The following OTOGL variants were observed in gnomAD, a reference collection of about 807,000 sequenced individuals.
OTOGL encodes the protein otogelin-like protein.
Under a neutral mutation model 318.5 loss-of-function variants are expected in OTOGL, and 285 were observed. That is an observed-to-expected ratio of 0.89 (90% CI 0.81 to 0.99). OTOGL has a LOEUF of 0.99. Among genes scored for constraint, OTOGL ranks in the 50% least tolerant of loss-of-function variants. OTOGL has a pLI of 0.00. For synonymous variants in OTOGL, 987 were observed against 936.5 expected (o/e 1.05, Z -0.99); for missense variants, 2,899 against 2,845.6 (o/e 1.02, Z -0.43).
chr12:80,250,021 GCTCGC>G (rs1881373976), intron 11 of OTOGL, among the ~76,000 whole-genome samples: 3 of 151,970 alleles, frequency 2.0e-5, no homozygotes, highest in Admixed American at 6.5e-5. Flanking sequence ...CCCTGCTTCG[GCTCGC>G]GCACGGTGCG....
At chr12:80,289,620 T>C (rs1000820153) in intron 26 of OTOGL, among the ~76,000 whole-genome samples, 1 of 152,176 alleles carries the variant, frequency 6.6e-6, no homozygotes, top group African/African-American at 2.4e-5. Flanking sequence ...AGAGAGGTAG[T>C]CTGGCCACAG....
rs1565865683 is a variant in OTOGL, at chr12:80,115,895, C to A, written c.-20+16290C>A. 2.0e-5 allele frequency among the ~76,000 whole-genome samples: 3 copies of A among 152,250 alleles called. No homozygotes were observed. The East Asian group carries it at 5.8e-4, about 30-fold the overall frequency. ...CAAGCCTCAGTAATGGTGGACACCC[C>A]TCCCCCCACCAAGCTTCAGTGTCCC... is the stretch of plus-strand genomic sequence containing the variant. On this transcript the variant is annotated intron_variant, in intron 1 of 58. Transcript: ENST00000547103.
intron 25 of OTOGL, among the ~76,000 whole-genome samples, chr12:80,278,685 A>G (rs1014591564): frequency 2.0e-5 from 3 of 151,604 alleles, no homozygotes; most frequent in Admixed American, 6.6e-5. Flanking sequence ...GAGCAATGTC[A>G]TGTCTAATGC....
intron 1 of OTOGL, among the ~76,000 whole-genome samples, chr12:80,153,231 G>A (rs546449508): frequency 6.6e-6 from 1 of 152,214 alleles, no homozygotes; most frequent in African/African-American, 2.4e-5. Context: ...TCTGATGAGG[G>A]CACGTTTTCT....
At chr12:80,271,986 T>C (rs1883447901) in intron 24 of OTOGL, among the ~76,000 whole-genome samples, 176 bp downstream of exon 24, 1 of 152,150 alleles carries the variant, frequency 6.6e-6, no homozygotes, top group African/African-American at 2.4e-5. Context: ...TTGTGAAATA[T>C]TATTAATGTA....
At chr12:80,128,386 A>T (rs1426871156) in intron 1 of OTOGL, among the ~76,000 whole-genome samples, 1 of 152,158 alleles carries the variant, frequency 6.6e-6, no homozygotes, top group African/African-American at 2.4e-5. Context: ...TTGCTGCCTG[A>T]TCGTTCCTCT....
intron 24 of OTOGL, among the ~76,000 whole-genome samples, chr12:80,273,576 G>T (rs1883571946): frequency 6.6e-6 from 1 of 152,050 alleles, no homozygotes; most frequent in South Asian, 2.1e-4. Flanking sequence ...TTACTTCTTG[G>T]ATGATTGAGT....
At chr12:80,371,171 A>G (rs929143027) in intron 56 of OTOGL, among the ~76,000 whole-genome samples, 4 of 152,066 alleles carry the variant, frequency 2.6e-5, no homozygotes, top group South Asian at 2.1e-4. Context: ...TGCTCTATCA[A>G]TTTCCCTATT....
rs1565940731 is a variant in OTOGL at position 80,265,135 on chromosome 12, G to A, written c.2149G>A (p.Ala717Thr). ...CKCGSSCLCN[A>T]LAHYAYLCGQ... ...GTGTGGAAGCTCCTGCCTGTGCAAT[G>A]CTCTTGCCCACTATGCCTACCTCTG... Residue 717 changes from alanine to threonine, a missense_variant, in exon 20 of 59, where the codon GCT becomes ACT. Physicochemically the swap from Ala to Thr is moderately conservative, Grantham distance 58. Coordinates refer to ENST00000547103, the MANE Select transcript of OTOGL (RefSeq NM_001378609.3). 8.7e-6 allele frequency: 14 copies of A among 1,613,862 alleles called. No homozygotes were observed. The highest frequency in any genetic ancestry group is 1.7e-5 in the Admixed American group (1 of 59,918).
intron 8 of OTOGL, among the ~76,000 whole-genome samples, chr12:80,231,844 G>A (rs1879391950): frequency 6.9e-6 from 1 of 144,900 alleles, no homozygotes. Flanking sequence ...TCACTGTGTT[G>A]GCCAGTCTGG....
chr12:80,266,448 T>A lies in OTOGL; in HGVS notation c.2225-3T>A. 2 of 1,613,294 alleles carry A rather than the reference T, an allele frequency of 1.2e-6. No homozygotes were observed. The highest frequency in any genetic ancestry group is 1.7e-6 in the Non-Finnish European group (2 of 1,179,538). On this transcript the variant is annotated splice_polypyrimidine_tract_variant and splice_region_variant and intron_variant, in intron 20 of 58. Coordinates refer to ENST00000547103, the MANE Select transcript of OTOGL (RefSeq NM_001378609.3). ...TTCTCAAGTGATACTTCTTTGTCCT[T>A]AGCTGTGGTGTGCCAGAAGGGCATG...
intron 1 of OTOGL, among the ~76,000 whole-genome samples, chr12:80,147,611 G>T (rs1872480953): frequency 6.6e-6 from 1 of 152,016 alleles, no homozygotes; most frequent in African/African-American, 2.4e-5. Context: ...GGGTATTCTT[G>T]TTGACTTTCT....
intron 1 of OTOGL, among the ~76,000 whole-genome samples, chr12:80,114,600 C>G (rs1249758212): frequency 6.6e-6 from 1 of 152,082 alleles, no homozygotes; most frequent in Non-Finnish European, 1.5e-5. Context: ...CCTGGGGTTG[C>G]TCTTCTCGAG....
At position 80,372,711 on chromosome 12, in the gene OTOGL, C is replaced by T. The variant is rs557102820; in HGVS notation, c.6781+647C>T. ...AGTAATTGTTTTTTTTTTAGTGAGA[C>T]GGAGTTTTGCTCTATTGCCCAGGCC... On this transcript the variant is annotated intron_variant, in intron 57 of 58. Transcript: ENST00000547103. Among the ~76,000 whole-genome samples the T allele has an allele frequency of 9.6e-4, 144 of 149,352 alleles. 1 individual carries two copies. Among genetic ancestry groups the T allele is most frequent in the Admixed American group, 2.4e-3 (36 of 14,954 alleles).
In OTOGL at chr12:80,339,193, A is replaced by G; in HGVS notation, c.4979A>G (p.His1660Arg). ...TPAGLIIKWS[H>R]LTGIIDIHFG... The stretch of plus-strand genomic sequence containing the variant: ...GCTGGACTAATCATAAAGTGGTCTC[A>G]TCTTACAGGAATCATAGACATTCAT... Residue 1660 changes from histidine to arginine, a missense_variant, in exon 43 of 59, where the codon CAT becomes CGT. By Grantham distance (29) the His-to-Arg change is conservative. Around this residue, in one of 3 missense-constraint regions of OTOGL, gnomAD observed 2,607 missense variants for 2,524.9 expected, o/e 1.03. Coordinates refer to ENST00000547103, the MANE Select transcript of OTOGL (RefSeq NM_001378609.3). 6.2e-7 allele frequency: 1 copy of G among 1,612,148 alleles called. No homozygotes were observed. The highest frequency in any genetic ancestry group is 8.5e-7 in the Non-Finnish European group (1 of 1,178,700).
chr12:80,330,547 G>T (rs575871014), intron 37 of OTOGL, among the ~76,000 whole-genome samples: 7 of 152,220 alleles, frequency 4.6e-5, no homozygotes, highest in African/African-American at 9.6e-5. Flanking sequence ...TCTAAGTATT[G>T]CTCTCTACTT....
At chr12:80,342,667 C>T (rs1418964393) in intron 44 of OTOGL, among the ~76,000 whole-genome samples, 2 of 152,102 alleles carry the variant, frequency 1.3e-5, no homozygotes, top group African/African-American at 2.4e-5. Context: ...ATGACAAATA[C>T]AGTATTTCAT....
intron 1 of OTOGL, among the ~76,000 whole-genome samples, chr12:80,109,093 A>G (rs1315944035): frequency 1.3e-5 from 2 of 151,580 alleles, no homozygotes; most frequent in South Asian, 2.1e-4. Context: ...CATGGAAAAA[A>G]TATGCTCTAG....
At position 80,184,803 on chromosome 12, in the gene OTOGL, A is replaced by G. The variant is rs570162924; in HGVS notation, c.-19-24610A>G. 6.6e-5 allele frequency among the ~76,000 whole-genome samples: 10 copies of G among 152,250 alleles called. No individual in the cohort carries two copies. In the South Asian group the frequency reaches 1.0e-3, roughly 16 times the overall value. On this transcript the variant is annotated intron_variant, in intron 1 of 58. Coordinates refer to ENST00000547103, the MANE Select transcript of OTOGL (RefSeq NM_001378609.3). The stretch of plus-strand genomic sequence containing the variant: ...TTTGAGGCTGCCTAATACCAGGCAA[A>G]TTGGATGACAAAAAGGGTCAAAAAT...
Sources: gnomAD v4.1 joint callset for allele counts (sites outside exome capture counted in the v4.1 genomes callset) on GRCh38, gnomAD v4.1.1 for gene constraint, gnomAD v4.1.1 regional missense constraint, MANE v1.5 for transcripts, NCBI Gene and HGNC (gene_info 2026-07-23, HGNC 2026-07-21) for gene names.